RBFOX1: variants seen among roughly 807,000 people sequenced by gnomAD.
RBFOX1 encodes the protein RNA binding fox-1 homolog 1.
Under a neutral mutation model 57.7 loss-of-function variants are expected in RBFOX1, and 8 were observed. The observed-to-expected ratio is 0.14, with a 90% CI of 0.08 to 0.25. RBFOX1 has a LOEUF of 0.25. Ranked by LOEUF, RBFOX1 falls within the 10% of genes least tolerant of loss-of-function variation. The pLI, the probability that RBFOX1 is intolerant of heterozygous loss-of-function variation, is 1.00. For missense variants in RBFOX1, 611 were observed against 548.5 expected, an observed-to-expected ratio of 1.11 and a Z score of -1.14; for synonymous variants, 326 against 222.4, an observed-to-expected ratio of 1.47 and a Z score of -4.15.
intron 3 of RBFOX1, among the ~76,000 whole-genome samples, chr16:6,912,909 C>G (rs922368716): frequency 6.6e-6 from 1 of 152,074 alleles, no homozygotes; most frequent in Non-Finnish European, 1.5e-5. Flanking sequence ...CATGAGCCAC[C>G]AAGCCCAGCC....
rs575138054 is a variant in RBFOX1, at chr16:6,485,840, C to G, written c.-63-168763C>G. 2.6e-5 allele frequency among the ~76,000 whole-genome samples: 4 copies of G among 152,172 alleles called. 1 individual carries two copies. Among genetic ancestry groups the G allele is most frequent in the African/African-American group, 9.6e-5 (4 of 41,528 alleles). ...CTTCAAACTTCTGTTTTTCCTATCA[C>G]TTGTCTTAATTTTAGAGTCTGGATT... On this transcript the variant is annotated intron_variant, in intron 2 of 15. Coordinates refer to ENST00000550418, the MANE Select transcript of RBFOX1 (RefSeq NM_018723.4).
chr16:7,255,553 C>T (rs556458431), intron 4 of RBFOX1, among the ~76,000 whole-genome samples: 1 of 152,222 alleles, frequency 6.6e-6, no homozygotes, highest in African/African-American at 2.4e-5. Flanking sequence ...AGAATTTGCA[C>T]CACATTATCT....
At chr16:7,660,589 C>T (rs545405518) in intron 12 of RBFOX1, among the ~76,000 whole-genome samples, 60 of 152,318 alleles carry the variant, frequency 3.9e-4, no homozygotes, top group African/African-American at 1.4e-3. Context: ...TAGAATATAA[C>T]CTAGGAGGCT....
At chr16:7,666,143 C>T (rs2069182435) in intron 13 of RBFOX1, among the ~76,000 whole-genome samples, 1 of 152,108 alleles carries the variant, frequency 6.6e-6, no homozygotes, top group Non-Finnish European at 1.5e-5. Context: ...AATTATGAGG[C>T]AGGCTGGGGC....
chr16:5,987,551 G>A (rs941960018), intron 4 of RBFOX1, among the ~76,000 whole-genome samples: 2 of 151,984 alleles, frequency 1.3e-5, no homozygotes, highest in Non-Finnish European at 2.9e-5. Context: ...AGTCATAAGC[G>A]GGGCACAGGG....
intron 4 of RBFOX1, among the ~76,000 whole-genome samples, chr16:7,400,784 C>G (rs1250909430): frequency 6.6e-6 from 1 of 152,196 alleles, no homozygotes; most frequent in Non-Finnish European, 1.5e-5. Flanking sequence ...CAGTTCCCAG[C>G]AGCATGGTGG....
At position 5,946,149 on chromosome 16, in the gene RBFOX1, C is replaced by A. The variant is rs2059395784; in HGVS notation, c.351+78814C>A. Among the ~76,000 whole-genome samples, 1 of 152,162 alleles carries A rather than the reference C, an allele frequency of 6.6e-6. No homozygotes were observed. The highest frequency in any genetic ancestry group is 1.9e-4 in the East Asian group (1 of 5,192). On this transcript the variant is annotated intron_variant, in intron 4 of 19. Coordinates refer to the RBFOX1 transcript ENST00000641259. This position sits in a 1 kb window ranked among gnomAD's most constrained non-coding sequence, Gnocchi z 4.6. The stretch of plus-strand genomic sequence containing the variant: ...TTGTTAATAGACCACCACTCCTGTC[C>A]TAACATGGCAGGATGTGATGGAAAG...
At chr16:6,794,120 GT>G (rs1254606883) in intron 3 of RBFOX1, among the ~76,000 whole-genome samples, 1 of 152,076 alleles carries the variant, frequency 6.6e-6, no homozygotes, top group African/African-American at 2.4e-5. Flanking sequence ...GGGATGAGGT[GT>G]ACTGTTAAAT....
chr16:7,467,845 C>T (rs549589467), intron 4 of RBFOX1, among the ~76,000 whole-genome samples: 1 of 152,326 alleles, frequency 6.6e-6, no homozygotes, highest in South Asian at 2.1e-4. Context: ...TTCCTGAGAG[C>T]TCAATCTATA....
At chr16:6,081,240 A>C (rs764211342) in intron 1 of RBFOX1, among the ~76,000 whole-genome samples, 29 of 152,268 alleles carry the variant, frequency 1.9e-4, no homozygotes, top group Admixed American at 4.6e-4. Context: ...GTGTTGGTTC[A>C]GGTTAAAAGC....
intron 3 of RBFOX1, among the ~76,000 whole-genome samples, chr16:5,757,506 A>C (rs1167794016): frequency 6.6e-6 from 1 of 152,092 alleles, no homozygotes; most frequent in Non-Finnish European, 1.5e-5. Context: ...CTGGGATTAC[A>C]GGCATGAGTC....
chr16:6,562,880 C>CTTTCTTTCTTTTTTTTTTT (rs746999419), intron 2 of RBFOX1, among the ~76,000 whole-genome samples: 2 of 51,776 alleles, frequency 3.9e-5, no homozygotes, highest in Non-Finnish European at 7.9e-5. Flanking sequence ...TTCTTTCTTT[C>CTTTCTTTCTTTTTTTTTTT]TTTTTTTTTT....
At chr16:5,708,283 G>A (rs1394338397) in intron 3 of RBFOX1, among the ~76,000 whole-genome samples, 2 of 152,110 alleles carry the variant, frequency 1.3e-5, no homozygotes, top group African/African-American at 4.8e-5. Context: ...TCAAGCAGAT[G>A]AAGTATGAGG....
At chr16:6,000,841 G>A (rs1264033137) in intron 4 of RBFOX1, among the ~76,000 whole-genome samples, 2 of 136,892 alleles carry the variant, frequency 1.5e-5, no homozygotes, top group Non-Finnish European at 3.1e-5. Flanking sequence ...GGATGGGTGG[G>A]TAGGTGGGTG....
At chr16:6,236,862 G>A (rs1242870353) in intron 1 of RBFOX1, among the ~76,000 whole-genome samples, 2 of 152,150 alleles carry the variant, frequency 1.3e-5, no homozygotes, top group Non-Finnish European at 2.9e-5. Flanking sequence ...TATAGTGTAA[G>A]TGAGGAAATA....
At chr16:6,232,008 TTA>T (rs1278520456) in intron 1 of RBFOX1, among the ~76,000 whole-genome samples, 3 of 152,190 alleles carry the variant, frequency 2.0e-5, no homozygotes, top group African/African-American at 7.2e-5. Context: ...GTTTGCAATA[TTA>T]TTAGTGTGAT....
intron 4 of RBFOX1, among the ~76,000 whole-genome samples, chr16:7,414,700 C>G (rs899381236): frequency 1.4e-4 from 22 of 152,182 alleles, no homozygotes; most frequent in South Asian, 2.1e-4. Context: ...TCACTGCAAC[C>G]TCCGCCTCCC....
intron 3 of RBFOX1, among the ~76,000 whole-genome samples, chr16:6,982,933 G>A (rs543258397): frequency 7.1e-6 from 1 of 141,208 alleles, no homozygotes; most frequent in African/African-American, 2.6e-5. Flanking sequence ...GGTGGAGGTT[G>A]CAGTGAGATA....
At chr16:5,926,578 G>T (rs1032229533) in intron 4 of RBFOX1, among the ~76,000 whole-genome samples, 1 of 152,090 alleles carries the variant, frequency 6.6e-6, no homozygotes, top group African/African-American at 2.4e-5. Context: ...CCTCAGACTC[G>T]TAACTCGTTG....
Sources: gnomAD v4.1 joint callset for allele counts (sites outside exome capture counted in the v4.1 genomes callset) on GRCh38, gnomAD v4.1.1 for gene constraint, Gnocchi (gnomAD v3.1) non-coding constraint, MANE v1.5 for transcripts, NCBI Gene and HGNC (gene_info 2026-07-23, HGNC 2026-07-21) for gene names.